The following SLC44A5 variants were observed in gnomAD, a reference collection of about 807,000 sequenced individuals.
The protein encoded by SLC44A5 is solute carrier family 44 member 5, also known as choline transporter-like protein 5.
Under a neutral mutation model 101.8 loss-of-function variants are expected in SLC44A5, and 57 were observed. That is an observed-to-expected ratio of 0.56 (90% confidence interval 0.45 to 0.70). The LOEUF is 0.70. Among genes scored for constraint, SLC44A5 ranks in the 30% least tolerant of loss-of-function variants. The pLI is 0.00. For synonymous variants in SLC44A5, 281 were observed against 290.9 expected, an observed-to-expected ratio of 0.97 and a Z score of 0.35; for missense variants, 737 against 853.1, an observed-to-expected ratio of 0.86 and a Z score of 1.70.
chr1:75,571,659 A>G (rs1179161371), intron 1 of SLC44A5, among the ~76,000 whole-genome samples: 7 of 152,138 alleles, frequency 4.6e-5, no homozygotes, highest in Admixed American at 4.6e-4. Flanking sequence ...CACCTTTAAG[A>G]TAGGCTAAGC....
At chr1:75,682,160 G>A in the SLC44A5 span, among the ~76,000 whole-genome samples, 7 of 152,160 alleles carry the variant, frequency 4.6e-5, no homozygotes, top group East Asian at 5.8e-4. Flanking sequence ...AATCAATATC[G>A]TGAAAATGGC....
chr1:75,629,639 G>A, the SLC44A5 span, among the ~76,000 whole-genome samples: 3 of 152,090 alleles, frequency 2.0e-5, no homozygotes, highest in Non-Finnish European at 4.4e-5. Flanking sequence ...CAAAACTGCT[G>A]TATTTTAAAA....
At chr1:75,692,185 C>CTTTTTTT in the SLC44A5 span, among the ~76,000 whole-genome samples, 12 of 84,772 alleles carry the variant, frequency 1.4e-4, no homozygotes, top group Non-Finnish European at 2.2e-4. Context: ...AGATGGGATT[C>CTTTTTTT]TTTTTTTTTT....
chr1:75,403,338 G>A (rs1043006541), intron 2 of SLC44A5, among the ~76,000 whole-genome samples: 3 of 152,186 alleles, frequency 2.0e-5, no homozygotes, highest in Non-Finnish European at 4.4e-5. Context: ...CACAGGGCTC[G>A]ATCTCTGCTA....
chr1:75,371,728 T>C (rs1211836176), intron 3 of SLC44A5, among the ~76,000 whole-genome samples: 1 of 152,156 alleles, frequency 6.6e-6, no homozygotes, highest in Non-Finnish European at 1.5e-5. Context: ...TACGAAAAGC[T>C]AAAATGAAGG....
intron 2 of SLC44A5, among the ~76,000 whole-genome samples, chr1:75,474,568 C>T (rs1209640984): frequency 1.3e-5 from 2 of 152,122 alleles, no homozygotes; most frequent in African/African-American, 4.8e-5. Context: ...GATAGTAAGA[C>T]ATTTACGTGT....
intron 3 of SLC44A5, among the ~76,000 whole-genome samples, chr1:75,366,682 A>G (rs1659880396): frequency 1.4e-5 from 2 of 145,256 alleles, no homozygotes; most frequent in East Asian, 2.3e-4. Context: ...TTTATGATGT[A>G]CCATAGGCGC....
chr1:75,586,193 G>A (rs1673979321), intron 1 of SLC44A5, among the ~76,000 whole-genome samples: 1 of 152,102 alleles, frequency 6.6e-6, no homozygotes, highest in African/African-American at 2.4e-5. Flanking sequence ...AGAAGTAAGG[G>A]AGAATCTGCT....
intron 2 of SLC44A5, among the ~76,000 whole-genome samples, chr1:75,476,584 G>A (rs2101749895): frequency 6.6e-6 from 1 of 152,330 alleles, no homozygotes. Flanking sequence ...AAAAAACAGT[G>A]CACCAGGAGA....
rs191095195 is a variant in SLC44A5 at position 75,282,694 on chromosome 1, A to G, written c.176-7652T>C. Among the ~76,000 whole-genome samples the G allele has an allele frequency of 7.2e-5, 11 of 152,296 alleles. No individual in the cohort carries two copies. In the East Asian group the frequency reaches 1.7e-3, roughly 24 times the overall value. On this transcript the variant is annotated intron_variant, in intron 5 of 23. Transcript: ENST00000370859. ...TGTGATAGTGAACAGCAAGTGAACCATACAGATCATGAGATCTAATGGTTT... is the reference window on the plus strand; with the variant it reads ...TGTGATAGTGAACAGCAAGTGAACCGTACAGATCATGAGATCTAATGGTTT...
chr1:75,633,571 G>C, the SLC44A5 span, among the ~76,000 whole-genome samples: 1 of 152,094 alleles, frequency 6.6e-6, no homozygotes, highest in African/African-American at 2.4e-5. Flanking sequence ...CATTGATTTT[G>C]TATCCTGAGA....
At chr1:75,676,150 G>GT in the SLC44A5 span, among the ~76,000 whole-genome samples, 2 of 152,120 alleles carry the variant, frequency 1.3e-5, no homozygotes, top group South Asian at 4.1e-4. Flanking sequence ...ATTCCTCAAA[G>GT]AACTAGAACT....
the SLC44A5 span, among the ~76,000 whole-genome samples, chr1:75,714,898 T>G: frequency 1.3e-5 from 2 of 152,138 alleles, no homozygotes; most frequent in Non-Finnish European, 2.9e-5. Flanking sequence ...GGTCTCAAAC[T>G]CCTGACCTCA....
chr1:75,301,615 T>C (rs1472600084), intron 4 of SLC44A5, among the ~76,000 whole-genome samples: 34 of 152,178 alleles, frequency 2.2e-4, no homozygotes, highest in Admixed American at 2.1e-3. Context: ...CAGGTTGAAG[T>C]TACACACTTA....
At chr1:75,672,235 TC>T in the SLC44A5 span, among the ~76,000 whole-genome samples, 1 of 152,022 alleles carries the variant, frequency 6.6e-6, no homozygotes, top group Admixed American at 6.6e-5. Context: ...ATGCCACCCT[TC>T]CCCCATCCCC....
intron 3 of SLC44A5, among the ~76,000 whole-genome samples, chr1:75,391,397 G>A (rs564307653): frequency 6.6e-6 from 1 of 152,102 alleles, no homozygotes; most frequent in Admixed American, 6.5e-5. Flanking sequence ...AATAGCCAAA[G>A]CATCCTAAAC....
intron 2 of SLC44A5, among the ~76,000 whole-genome samples, chr1:75,415,096 AG>A (rs929391450): frequency 3.9e-5 from 6 of 152,198 alleles, no homozygotes; most frequent in Admixed American, 1.3e-4. Flanking sequence ...GAAATGCCAA[AG>A]GAGATGGGGA....
At chr1:75,551,662 T>G (rs1671945294) in intron 1 of SLC44A5, among the ~76,000 whole-genome samples, 1 of 152,006 alleles carries the variant, frequency 6.6e-6, no homozygotes. Flanking sequence ...TTTCTGAACC[T>G]GAAAGCTGCA....
intron 1 of SLC44A5, among the ~76,000 whole-genome samples, chr1:75,569,319 C>A (rs1366839302): frequency 6.8e-6 from 1 of 148,112 alleles, no homozygotes. Flanking sequence ...TGGCTCACTG[C>A]AGCTTCTACC....
Sources: allele counts gnomAD v4.1 joint callset (sites outside exome capture counted in the v4.1 genomes callset), GRCh38; gene constraint gnomAD v4.1.1; transcripts MANE v1.5; gene names NCBI Gene and HGNC (gene_info 2026-07-23, HGNC 2026-07-21).